COL25A1: variants seen among roughly 807,000 people sequenced by gnomAD.
The protein encoded by COL25A1 is collagen alpha-1(XXV) chain.
COL25A1 carries 103 observed loss-of-function variants against 128.4 expected under a neutral mutation model. The ratio of observed to expected loss-of-function variants is 0.80; its 90% CI spans 0.68 to 0.94. The LOEUF is 0.94. Ranked by LOEUF, COL25A1 falls within the 40% of genes least tolerant of loss-of-function variation. The pLI is 0.00. For missense variants in COL25A1, 745 were observed against 840.0 expected (o/e 0.89, Z 1.40); for synonymous variants, 279 against 277.2 (o/e 1.01, Z -0.06).
chr4:108,999,976 G>T (rs1459991716), intron 6 of COL25A1, among the ~76,000 whole-genome samples: 3 of 152,214 alleles, frequency 2.0e-5, no homozygotes, highest in Admixed American at 6.5e-5. Flanking sequence ...TGGGGTGGGG[G>T]CCTGGGGGAG....
At chr4:109,265,591 G>T (rs1303958108) in intron 3 of COL25A1, among the ~76,000 whole-genome samples, 1 of 150,522 alleles carries the variant, frequency 6.6e-6, no homozygotes, top group East Asian at 1.9e-4. Context: ...GGAAGTGTTT[G>T]TGTTTCTATG....
At chr4:108,897,637 G>T (rs1365492058) in intron 15 of COL25A1, among the ~76,000 whole-genome samples, 2 of 152,112 alleles carry the variant, frequency 1.3e-5, no homozygotes, top group African/African-American at 2.4e-5. Context: ...GGCAGTATCT[G>T]GCACATCATA....
At chr4:109,112,043 C>T (rs1767069548) in intron 3 of COL25A1, among the ~76,000 whole-genome samples, 1 of 151,868 alleles carries the variant, frequency 6.6e-6, no homozygotes, top group Non-Finnish European at 1.5e-5. Flanking sequence ...TTTTCTTAGT[C>T]TTGGTTGCTT....
intron 3 of COL25A1, among the ~76,000 whole-genome samples, chr4:109,271,705 C>T (rs1435423191): frequency 6.6e-6 from 1 of 152,164 alleles, no homozygotes; most frequent in Non-Finnish European, 1.5e-5. Context: ...AAAACTTCAA[C>T]CCTGAACACC....
At chr4:109,136,204 C>A (rs1578254254) in intron 3 of COL25A1, among the ~76,000 whole-genome samples, 1 of 152,098 alleles carries the variant, frequency 6.6e-6, no homozygotes, top group African/African-American at 2.4e-5. Context: ...TCGAGACCAG[C>A]CTGGCCAACA....
intron 6 of COL25A1, among the ~76,000 whole-genome samples, chr4:108,990,249 T>A (rs1476073374): frequency 2.1e-3 from 174 of 83,430 alleles, no homozygotes; most frequent in African/African-American, 5.1e-3. Flanking sequence ...AATATATATA[T>A]ATATATATAT....
chr4:109,064,870 C>G (rs1024556525), intron 3 of COL25A1, among the ~76,000 whole-genome samples: 2 of 152,140 alleles, frequency 1.3e-5, no homozygotes, highest in Admixed American at 1.3e-4. Context: ...AGAAAGCCAG[C>G]CAAGTCAATT....
chr4:109,242,217 C>T (rs1039616325), intron 3 of COL25A1, among the ~76,000 whole-genome samples: 1 of 152,064 alleles, frequency 6.6e-6, no homozygotes, highest in Non-Finnish European at 1.5e-5. Flanking sequence ...ATTTACATTT[C>T]CCCCGCTTCA....
At chr4:109,251,938 C>T (rs1780676850) in intron 3 of COL25A1, among the ~76,000 whole-genome samples, 1 of 152,234 alleles carries the variant, frequency 6.6e-6, no homozygotes, top group Admixed American at 6.5e-5. Flanking sequence ...GTAACTGAGG[C>T]TTCAAAAGGC....
intron 11 of COL25A1, among the ~76,000 whole-genome samples, chr4:108,927,499 G>C (rs1343134906): frequency 1.3e-4 from 19 of 146,790 alleles, no homozygotes; most frequent in Non-Finnish European, 1.8e-4. Flanking sequence ...TTCCCAGTTT[G>C]AGGCAGTTGT....
At chr4:109,099,392 T>C (rs949694495) in intron 3 of COL25A1, among the ~76,000 whole-genome samples, 1 of 152,222 alleles carries the variant, frequency 6.6e-6, no homozygotes, top group African/African-American at 2.4e-5. Flanking sequence ...TTTAATGATA[T>C]ATAACTTTTC....
chr4:109,060,197 G>A (rs745990168), intron 3 of COL25A1, among the ~76,000 whole-genome samples: 25 of 152,204 alleles, frequency 1.6e-4, no homozygotes, highest in Non-Finnish European at 2.5e-4. Context: ...TACTGAGCAC[G>A]TGGCAGCTGT....
intron 8 of COL25A1, among the ~76,000 whole-genome samples, chr4:108,971,699 T>C (rs1751934042): frequency 6.6e-6 from 1 of 152,226 alleles, no homozygotes; most frequent in South Asian, 2.1e-4. Flanking sequence ...TCTAAAGTTT[T>C]ACACAGGAGT....
chr4:109,218,361 T>TTTTTTTTTTTGTTTTG (rs1778180292), intron 3 of COL25A1, among the ~76,000 whole-genome samples: 2 of 132,172 alleles, frequency 1.5e-5, no homozygotes, highest in East Asian at 2.4e-4. Context: ...TTTGGGGTTT[T>TTTTTTTTTTTGTTTTG]TTTTTTTTTT....
At chr4:109,070,468 G>C (rs1341506031) in intron 3 of COL25A1, among the ~76,000 whole-genome samples, 4 of 151,550 alleles carry the variant, frequency 2.6e-5, no homozygotes, top group Non-Finnish European at 1.5e-5. Flanking sequence ...TTTCATTTTA[G>C]AATAATTACA....
intron 3 of COL25A1, among the ~76,000 whole-genome samples, chr4:109,201,766 T>C (rs1176335241): frequency 6.6e-6 from 1 of 152,178 alleles, no homozygotes; most frequent in Non-Finnish European, 1.5e-5. Flanking sequence ...CTCCTGGAAC[T>C]AATAAGCAAT....
rs1039560025 is a variant in COL25A1 at position 109,061,216 on chromosome 4, G to A, written c.368-11037C>T. Among the ~76,000 whole-genome samples the A allele has an allele frequency of 3.3e-5, 5 of 152,104 alleles. No homozygotes were observed. In the East Asian group the frequency reaches 7.7e-4, roughly 23 times the overall value. On this transcript the variant is annotated intron_variant, in intron 3 of 37. Transcript: ENST00000399132. ...TCTAATTTCTAGAAGACATAATAGAGGAGTGACAATCCTTTCTCCTTTGCC... is the reference window on the plus strand; with the variant it reads ...TCTAATTTCTAGAAGACATAATAGAAGAGTGACAATCCTTTCTCCTTTGCC...
At chr4:109,036,513 T>C (rs536212899) in intron 5 of COL25A1, among the ~76,000 whole-genome samples, 66 of 152,280 alleles carry the variant, frequency 4.3e-4, no homozygotes, top group African/African-American at 1.6e-3. Context: ...AACTTTAATA[T>C]GCAAAGTAGA....
At chr4:108,886,807 C>T (rs1044079414) in intron 18 of COL25A1, among the ~76,000 whole-genome samples, 1 of 151,986 alleles carries the variant, frequency 6.6e-6, no homozygotes, top group Non-Finnish European at 1.5e-5. Context: ...TTGCTTTTTT[C>T]CCCTTCTTTT....
Sources: allele counts gnomAD v4.1 joint callset (sites outside exome capture counted in the v4.1 genomes callset), GRCh38; gene constraint gnomAD v4.1.1; transcripts MANE v1.5; gene names NCBI Gene and HGNC (gene_info 2026-07-23, HGNC 2026-07-21).